The following AHI1 variants were observed in gnomAD, a reference collection of about 807,000 sequenced individuals.
The protein encoded by AHI1 is Abelson helper integration site 1.
A neutral mutation model predicts 149.3 loss-of-function variants in AHI1; 123 were observed. The observed-to-expected ratio is 0.82, with a 90% CI of 0.71 to 0.96. The LOEUF is 0.96. AHI1 is among the 40% of genes least tolerant of loss of function. The probability of loss-of-function intolerance (pLI) is 0.00; values close to 1 mark genes in which losing one functional copy is unlikely to be tolerated. For synonymous variants in AHI1, 475 were observed against 459.8 expected (o/e 1.03, Z -0.42); for missense variants, 1,439 against 1,422.7 (o/e 1.01, Z -0.18).
chr6:135,384,626 T>C (rs147094648), intron 23 of AHI1, among the ~76,000 whole-genome samples: 290 of 152,324 alleles, frequency 1.9e-3, no homozygotes, highest in Non-Finnish European at 3.7e-3. Flanking sequence ...CCACAAAATC[T>C]TCAACATTAG....
intron 7 of AHI1, among the ~76,000 whole-genome samples, chr6:135,464,514 G>A (rs1790433279): frequency 6.6e-6 from 1 of 152,098 alleles, no homozygotes; most frequent in African/African-American, 2.4e-5. Context: ...GTGTGGGCTG[G>A]ACTAGTGACT....
rs1048491952 is a variant in AHI1, at chr6:135,284,744, T to C, written c.*901A>G. On this transcript the variant is annotated 3_prime_UTR_variant, in exon 29 of 29. Transcript: ENST00000265602. The stretch of plus-strand genomic sequence containing the variant: ...GTTGCCAGTCCAGCCAAAAATCACT[T>C]TTAATTTAGGTCTATGAAGTTACCT... The C allele has an allele frequency of 1.3e-5, 2 of 152,198 alleles. No homozygotes were observed. The highest frequency in any genetic ancestry group is 2.9e-5 in the Non-Finnish European group (2 of 68,022). The allele number at this position is 152,198 out of a possible 1,614,324, so 9.4% of individuals were successfully genotyped here.
chr6:135,377,788 T>TA (rs1233989804), intron 23 of AHI1, among the ~76,000 whole-genome samples: 26 of 152,190 alleles, frequency 1.7e-4, no homozygotes, highest in Non-Finnish European at 2.8e-4. Flanking sequence ...GTTCTTATTT[T>TA]AAAAATGTCT....
chr6:135,303,814 AC>A (rs1414572069), intron 26 of AHI1, among the ~76,000 whole-genome samples: 1 of 152,048 alleles, frequency 6.6e-6, no homozygotes, highest in African/African-American at 2.4e-5. Flanking sequence ...ATGGCCTGGC[AC>A]CCCCTGCTTC....
At position 135,442,660 on chromosome 6, in the gene AHI1, A is replaced by T; in HGVS notation, c.1834T>A (p.Cys612Ser). Reference sequence around the variant, plus strand: ...TTGTGGGAGAAATCAAGACAAAAACATCCTCGTTCTCCTGCATTTAGTGAG... The same window carrying T: ...TTGTGGGAGAAATCAAGACAAAAACTTCCTCGTTCTCCTGCATTTAGTGAG... ...LFSLNAGERG[C>S]FCLDFSHNGR... is the part of the protein sequence containing the mutation. The change falls in exon 14 of 29, where the codon TGT (cysteine) becomes AGT (serine). Residue 612 changes from cysteine (C) to serine (S), a missense_variant. Coordinates refer to ENST00000265602, the MANE Select transcript of AHI1 (RefSeq NM_001134831.2). 6.2e-7 allele frequency: 1 copy of T among 1,611,480 alleles called. No individual in the cohort carries two copies. Among genetic ancestry groups the T allele is most frequent in the Non-Finnish European group, 8.5e-7 (1 of 1,178,636 alleles).
At chr6:135,460,773 T>C (rs1297417193) in intron 8 of AHI1, among the ~76,000 whole-genome samples, 1 of 152,206 alleles carries the variant, frequency 6.6e-6, no homozygotes, top group Non-Finnish European at 1.5e-5. Flanking sequence ...GATCCACATG[T>C]AACACAGTCA....
chr6:135,376,503 AT>A (rs199895854), intron 23 of AHI1, among the ~76,000 whole-genome samples: 6 of 152,054 alleles, frequency 3.9e-5, no homozygotes, highest in African/African-American at 1.2e-4. Context: ...TACTTTGTAG[AT>A]TTTTTTTATA....
intron 17 of AHI1, 146 bp downstream of exon 17, chr6:135,431,062 G>T: frequency 1.8e-6 from 1 of 568,128 alleles, no homozygotes; most frequent in Non-Finnish European, 3.1e-6. Context: ...AGGAGGGTGT[G>T]CTAATTAATT....
At chr6:135,493,113 C>T in intron 3 of AHI1, 1 of 297,732 alleles carries the variant, frequency 3.4e-6, no homozygotes, top group Non-Finnish European at 5.0e-6. Flanking sequence ...ATTCTCCTGC[C>T]TCAGCCTCCC....
At chr6:135,430,852 T>C (rs981244823) in intron 17 of AHI1, among the ~76,000 whole-genome samples, 1 of 151,958 alleles carries the variant, frequency 6.6e-6, no homozygotes, top group Non-Finnish European at 1.5e-5. Context: ...AGAGATATAA[T>C]TGGACCAAGG....
intron 23 of AHI1, among the ~76,000 whole-genome samples, chr6:135,360,051 T>G (rs1793613754): frequency 1.3e-5 from 2 of 152,122 alleles, no homozygotes; most frequent in Admixed American, 1.3e-4. Context: ...CAATCATGCA[T>G]GTTTGTTCAA....
At chr6:135,429,429 G>A (rs1004581465) in intron 18 of AHI1, among the ~76,000 whole-genome samples, 4 of 151,498 alleles carry the variant, frequency 2.6e-5, no homozygotes, top group Middle Eastern at 3.4e-3. Flanking sequence ...CTACATTTGC[G>A]ATTATTTGGA....
At chr6:135,427,041 T>A in intron 20 of AHI1, 126 bp downstream of exon 20, 1 of 908,216 alleles carries the variant, frequency 1.1e-6, no homozygotes. Flanking sequence ...CTTTCTGTGA[T>A]TCCAACATAA....
intron 27 of AHI1, among the ~76,000 whole-genome samples, chr6:135,296,144 C>A (rs1349297705): frequency 6.6e-6 from 1 of 152,148 alleles, no homozygotes; most frequent in Non-Finnish European, 1.5e-5. Flanking sequence ...CGTGAGCCAC[C>A]GCGCCTGGCC....
intron 23 of AHI1, among the ~76,000 whole-genome samples, chr6:135,389,893 C>T (rs991498184): frequency 6.6e-6 from 1 of 152,190 alleles, no homozygotes; most frequent in African/African-American, 2.4e-5. Flanking sequence ...ACTGAATAAT[C>T]CACATTTTAA....
rs1467317289 is a variant in AHI1, at chr6:135,442,582, A to C, written c.1912T>G (p.Leu638Val). ...CASRDGYPII[L>V]YEIPSGRFMR... ...TTAAACAGGTAGGATTATTACTCACAAATAATTGGATATCCATCCCGGCTG... is the reference window on the plus strand; with the variant it reads ...TTAAACAGGTAGGATTATTACTCACCAATAATTGGATATCCATCCCGGCTG... Residue 638 changes from leucine to valine, a missense_variant and splice_region_variant, in exon 14 of 29, where the codon TTA becomes GTA. By Grantham distance (32) the Leu-to-Val change is conservative. Coordinates refer to ENST00000265602, the MANE Select transcript of AHI1 (RefSeq NM_001134831.2). 1 of 1,606,810 alleles carries C rather than the reference A, an allele frequency of 6.2e-7. No individual in the cohort carries two copies. The highest frequency in any genetic ancestry group is 2.2e-5 in the East Asian group (1 of 44,704).
chr6:135,437,941 C>A (rs1176973104), intron 15 of AHI1, among the ~76,000 whole-genome samples: 3 of 152,052 alleles, frequency 2.0e-5, no homozygotes, highest in Admixed American at 2.0e-4. Context: ...ATCTATAAAA[C>A]TGTTAAAATA....
At chr6:135,309,232 A>G (rs7765785) in intron 26 of AHI1, among the ~76,000 whole-genome samples, 17,413 of 152,166 alleles carry the variant, frequency 0.11, 3,163 homozygotes, top group African/African-American at 0.39. Flanking sequence ...ATCTATGGGT[A>G]TGAGGTAAAG....
intron 20 of AHI1, among the ~76,000 whole-genome samples, chr6:135,426,576 A>C (rs762943408): frequency 1.3e-5 from 2 of 151,698 alleles, no homozygotes; most frequent in Non-Finnish European, 3.0e-5. Flanking sequence ...TGACAGCACT[A>C]ATAGTATAAT....
Sources: gnomAD v4.1 joint callset for allele counts (sites outside exome capture counted in the v4.1 genomes callset) on GRCh38, gnomAD v4.1.1 for gene constraint, MANE v1.5 for transcripts, NCBI Gene and HGNC (gene_info 2026-07-23, HGNC 2026-07-21) for gene names.